PARD3B: variants seen among roughly 807,000 people sequenced by gnomAD.
PARD3B encodes partitioning defective 3 homolog B.
Under a neutral mutation model 130.2 loss-of-function variants are expected in PARD3B, and 103 were observed. The ratio of observed to expected loss-of-function variants is 0.79; its 90% confidence interval spans 0.67 to 0.93. The LOEUF is 0.93. Ranked by LOEUF, PARD3B falls within the 40% of genes least tolerant of loss-of-function variation. PARD3B has a pLI of 0.00. For missense variants in PARD3B, 1,609 were observed against 1,499.2 expected (o/e 1.07, Z -1.21); for synonymous variants, 583 against 553.2 (o/e 1.05, Z -0.76).
chr2:204,726,789 C>T (rs1361551231), intron 2 of PARD3B, among the ~76,000 whole-genome samples: 1 of 152,160 alleles, frequency 6.6e-6, no homozygotes, highest in African/African-American at 2.4e-5. Context: ...TTCACATGTC[C>T]CTTCTTTCTC....
intron 1 of PARD3B, among the ~76,000 whole-genome samples, chr2:204,579,425 G>A (rs1326424084): frequency 6.6e-6 from 1 of 152,098 alleles, no homozygotes; most frequent in African/African-American, 2.4e-5. Context: ...GCAGAGCCGT[G>A]CTGTGACTGG....
At chr2:204,878,445 C>T (rs2045925945) in intron 2 of PARD3B, among the ~76,000 whole-genome samples, 1 of 152,078 alleles carries the variant, frequency 6.6e-6, no homozygotes, top group Non-Finnish European at 1.5e-5. Flanking sequence ...AAAGTCTAAT[C>T]TTAAATGGAT....
At chr2:205,297,368 C>A (rs2041834331) in intron 16 of PARD3B, among the ~76,000 whole-genome samples, 1 of 152,066 alleles carries the variant, frequency 6.6e-6, no homozygotes, top group Non-Finnish European at 1.5e-5. Flanking sequence ...GCACCATCAA[C>A]CTAAACTGAA....
At chr2:205,553,058 A>G (rs1002104668) in intron 21 of PARD3B, among the ~76,000 whole-genome samples, 3 of 152,164 alleles carry the variant, frequency 2.0e-5, no homozygotes, top group Admixed American at 6.5e-5. Flanking sequence ...ATAGTCTAGC[A>G]TCCTACAGAA....
In PARD3B at chr2:204,686,152, T is replaced by A. The variant is rs774470304; in HGVS notation, c.121-29T>A. 4 of 1,416,236 alleles carry A rather than the reference T, an allele frequency of 2.8e-6. No homozygotes were observed. In the African/African-American group the frequency reaches 4.2e-5, roughly 15 times the overall value. The allele number at this position is 1,416,236 out of a possible 1,614,324, so 87.7% of individuals were successfully genotyped here. A position where few individuals can be genotyped will look rare whatever the true frequency, so the allele number is the denominator to read the frequency against. On this transcript the variant is annotated intron_variant, in intron 1 of 22. Coordinates refer to ENST00000406610, the MANE Select transcript of PARD3B (RefSeq NM_001302769.2). ...GTTTAACTTTTTAACATAGATTAGGTCATTAAACTTGTGTTTGTTCTACTA... is the reference window on the plus strand; with the variant it reads ...GTTTAACTTTTTAACATAGATTAGGACATTAAACTTGTGTTTGTTCTACTA...
chr2:205,396,574 C>T (rs1189131456), intron 18 of PARD3B, among the ~76,000 whole-genome samples: 2 of 152,114 alleles, frequency 1.3e-5, no homozygotes, highest in East Asian at 3.8e-4. Context: ...GTGATTTTTC[C>T]ACTTTACAAA....
chr2:205,396,991 T>C (rs1217746529), intron 18 of PARD3B, among the ~76,000 whole-genome samples: 1 of 151,902 alleles, frequency 6.6e-6, no homozygotes, highest in Non-Finnish European at 1.5e-5. Flanking sequence ...GCTTGGAAAG[T>C]CACCAAGTTG....
At chr2:205,079,875 T>G (rs1432682872) in intron 4 of PARD3B, among the ~76,000 whole-genome samples, 5 of 152,188 alleles carry the variant, frequency 3.3e-5, no homozygotes, top group African/African-American at 4.8e-5. Flanking sequence ...TAGTTTATAT[T>G]TATTTAAAGA....
intron 2 of PARD3B, among the ~76,000 whole-genome samples, chr2:204,823,302 ATTATT>A (rs2125549698): frequency 6.6e-6 from 1 of 152,248 alleles, no homozygotes; most frequent in South Asian, 2.1e-4. Context: ...TACATGTACT[ATTATT>A]TTATTGAAAA....
chr2:204,947,869 T>C (rs1293348170), intron 2 of PARD3B, among the ~76,000 whole-genome samples: 1 of 152,214 alleles, frequency 6.6e-6, no homozygotes, highest in Admixed American at 6.5e-5. Flanking sequence ...AGGTCTATTG[T>C]TTGCAAAATT....
At chr2:204,672,676 T>C (rs2036361797) in intron 1 of PARD3B, among the ~76,000 whole-genome samples, 1 of 152,200 alleles carries the variant, frequency 6.6e-6, no homozygotes, top group Non-Finnish European at 1.5e-5. Flanking sequence ...GAGCGTTTCT[T>C]CCCAAATTTT....
Position 205,113,487 on chromosome 2 carries a change from C to G in PARD3B, c.594-4C>G. The G allele has an allele frequency of 6.2e-7, 1 of 1,608,798 alleles. No individual in the cohort carries two copies. Among genetic ancestry groups the G allele is most frequent in the Non-Finnish European group, 8.5e-7 (1 of 1,177,284 alleles). On this transcript the variant is annotated splice_region_variant and splice_polypyrimidine_tract_variant and intron_variant, in intron 5 of 22. Coordinates refer to ENST00000406610, the MANE Select transcript of PARD3B (RefSeq NM_001302769.2). ...ATTTGTGCTCTTGTTTTTTTCTGCC[C>G]CAGTGATATGACAAGAACAGTGGAG...
At position 205,600,154 on chromosome 2, in the gene PARD3B, C is replaced by G. The variant is rs370691723; in HGVS notation, c.3261-15302C>G. On this transcript the variant is annotated intron_variant, in intron 22 of 22. Transcript: ENST00000406610. ...GGTCCATTGGAAAAGGGATTTGAGC[C>G]TAAATCAAGACTGCAGCATGAAAGT... 1.2e-3 allele frequency among the ~76,000 whole-genome samples: 179 copies of G among 152,216 alleles called. 1 individual carries two copies. Among genetic ancestry groups the G allele is most frequent in the African/African-American group, 3.1e-3 (128 of 41,516 alleles).
intron 10 of PARD3B, among the ~76,000 whole-genome samples, chr2:205,147,055 A>G (rs958677397): frequency 6.6e-6 from 1 of 152,150 alleles, no homozygotes; most frequent in Non-Finnish European, 1.5e-5. Flanking sequence ...TGCATGTAAA[A>G]TATAATACTT....
intron 2 of PARD3B, among the ~76,000 whole-genome samples, chr2:204,962,632 G>A (rs189901531): frequency 2.6e-4 from 40 of 152,252 alleles, no homozygotes; most frequent in Non-Finnish European, 4.9e-4. Context: ...GAGGAATGTA[G>A]GTGTTCAGAT....
At chr2:205,609,289 G>A (rs967057382) in intron 22 of PARD3B, among the ~76,000 whole-genome samples, 13 of 152,132 alleles carry the variant, frequency 8.5e-5, no homozygotes, top group African/African-American at 2.9e-4. Flanking sequence ...ATTAGTTTGT[G>A]CTGATTTTTT....
rs71409001 is a variant in PARD3B, at chr2:205,150,211, CTGTGTG to C, written c.1435-8474_1435-8469del. ...TTTCCCTTACTACGCCAGCCAGGCT[CTGTGTG>C]TGTGTGTGTGTGTGTGTGTGTGTGT... On this transcript the variant is annotated intron_variant, in intron 10 of 22. Transcript: ENST00000406610. 3.5e-3 allele frequency among the ~76,000 whole-genome samples: 470 copies of C among 134,274 alleles called. 2 individuals carry two copies. The highest frequency in any genetic ancestry group is 0.012 in the African/African-American group (418 of 35,444). 88.1% of individuals were successfully genotyped at this position (134,274 alleles called of 152,430 possible).
At chr2:205,107,938 A>G (rs538994156) in intron 5 of PARD3B, among the ~76,000 whole-genome samples, 13 of 152,214 alleles carry the variant, frequency 8.5e-5, no homozygotes, top group South Asian at 4.2e-4. Flanking sequence ...CCTAATTCCT[A>G]TCTCATTTCT....
intron 22 of PARD3B, among the ~76,000 whole-genome samples, chr2:205,597,023 T>A (rs7587643): frequency 0.29 from 43,362 of 151,998 alleles, 6,832 homozygotes; most frequent in Middle Eastern, 0.38. Flanking sequence ...ATTAAACTAC[T>A]AATGTGCTCA....
Sources: gnomAD v4.1 joint callset for allele counts (sites outside exome capture counted in the v4.1 genomes callset) on GRCh38, gnomAD v4.1.1 for gene constraint, MANE v1.5 for transcripts, NCBI Gene and HGNC (gene_info 2026-07-23, HGNC 2026-07-21) for gene names.